The following XPR1 variants were observed in gnomAD, a reference collection of about 807,000 sequenced individuals.
The protein encoded by XPR1 is xenotropic and polytropic retrovirus receptor 1, also known as solute carrier family 53 member 1.
A neutral mutation model predicts 87.5 loss-of-function variants in XPR1; 28 were observed. That is an observed-to-expected ratio of 0.32 (90% CI 0.24 to 0.44). XPR1 has a LOEUF of 0.44. Among genes scored for constraint, XPR1 ranks in the 20% least tolerant of loss-of-function variants. XPR1 has a pLI of 1.00. For synonymous variants in XPR1, 300 were observed against 306.1 expected (o/e 0.98, Z 0.21); for missense variants, 559 against 862.3 (o/e 0.65, Z 4.41).
Position 180,776,755 on chromosome 1 carries a change from A to T in XPR1, c.122-10998A>T, listed in dbSNP as rs991153424. ...TATTGTTGTTCTTTACCTAGCAGAC[A>T]TTAGGTAAATACTCATTGGGATAAT... is the stretch of plus-strand genomic sequence containing the variant. On this transcript the variant is annotated intron_variant, in intron 2 of 14. Transcript: ENST00000367590. Among the ~76,000 whole-genome samples the T allele has an allele frequency of 2.0e-5, 3 of 152,220 alleles. No individual in the cohort carries two copies. The East Asian group carries it at 5.8e-4, about 29-fold the overall frequency.
intron 10 of XPR1, among the ~76,000 whole-genome samples, chr1:180,835,993 GA>G (rs924990491): frequency 2.6e-5 from 4 of 152,040 alleles, no homozygotes; most frequent in African/African-American, 9.7e-5. Flanking sequence ...ATAAATCTGA[GA>G]GAGCAAATTT....
intron 2 of XPR1, among the ~76,000 whole-genome samples, chr1:180,685,065 G>GT (rs1656716936): frequency 6.6e-6 from 1 of 151,922 alleles, no homozygotes; most frequent in South Asian, 2.1e-4. Context: ...TCTTGTGCCA[G>GT]TTTTCAAAGG....
chr1:180,683,325 A>G (rs939721877), intron 2 of XPR1, among the ~76,000 whole-genome samples: 94 of 152,210 alleles, frequency 6.2e-4, no homozygotes, highest in Admixed American at 5.9e-4. Flanking sequence ...ATAGTATTCC[A>G]TGGTGTATCT....
At chr1:180,877,667 C>G (rs1218504439) in intron 13 of XPR1, among the ~76,000 whole-genome samples, 1 of 151,978 alleles carries the variant, frequency 6.6e-6, no homozygotes, top group African/African-American at 2.4e-5. Context: ...CAGTGAGTCC[C>G]TTTATGATAA....
At chr1:180,761,414 A>T (rs548065031) in intron 2 of XPR1, among the ~76,000 whole-genome samples, 53 of 152,352 alleles carry the variant, frequency 3.5e-4, no homozygotes, top group African/African-American at 1.2e-3. Context: ...GAACTCAAAC[A>T]AATTTACAAG....
chr1:180,644,229 G>C (rs975307817), intron 1 of XPR1, among the ~76,000 whole-genome samples: 1 of 152,174 alleles, frequency 6.6e-6, no homozygotes, highest in African/African-American at 2.4e-5. Flanking sequence ...ATTAGAAAGA[G>C]AGAGTTAATG....
intron 2 of XPR1, among the ~76,000 whole-genome samples, chr1:180,706,869 C>T (rs531290731): frequency 3.3e-5 from 5 of 152,078 alleles, no homozygotes; most frequent in Non-Finnish European, 5.9e-5. Flanking sequence ...CTGCCCACCT[C>T]GATATCCCAA....
intron 2 of XPR1, among the ~76,000 whole-genome samples, chr1:180,726,064 C>T (rs1416199919): frequency 6.6e-6 from 1 of 152,174 alleles, no homozygotes; most frequent in South Asian, 2.1e-4. Flanking sequence ...GAGAACTTTT[C>T]TGTCTAGCTA....
At chr1:180,829,716 C>G (rs529836161) in intron 9 of XPR1, among the ~76,000 whole-genome samples, 2 of 152,214 alleles carry the variant, frequency 1.3e-5, no homozygotes, top group African/African-American at 4.8e-5. Flanking sequence ...ACATGAATGA[C>G]TGTAATTATA....
At chr1:180,806,315 A>AATAT in intron 5 of XPR1, 104 bp downstream of exon 5, 1 of 1,525,958 alleles carries the variant, frequency 6.6e-7, no homozygotes, top group Non-Finnish European at 8.9e-7. Flanking sequence ...GCTAGCTTTG[A>AATAT]ATATATATGC....
intron 2 of XPR1, among the ~76,000 whole-genome samples, chr1:180,703,964 G>A (rs892496481): frequency 2.6e-5 from 4 of 151,720 alleles, no homozygotes; most frequent in Non-Finnish European, 4.4e-5. Flanking sequence ...TAATTTATAG[G>A]TTTCTGCTGC....
In XPR1 at chr1:180,885,118, A is replaced by ATT. The variant is rs1652973423; in HGVS notation, c.*1053_*1054insTT. ...GTAGCGTGACCTTTACTAGCTCTGA[A>ATT]TCAGAAGACAGAGCTATTTCAGAGG... is the stretch of plus-strand genomic sequence containing the variant. On this transcript the variant is annotated 3_prime_UTR_variant, in exon 15 of 15. Coordinates refer to ENST00000367590, the MANE Select transcript of XPR1 (RefSeq NM_004736.4). The ATT allele has an allele frequency of 6.6e-6, 1 of 152,628 alleles. No homozygotes were observed. Among genetic ancestry groups the ATT allele is most frequent in the Non-Finnish European group, 1.5e-5 (1 of 68,042 alleles). The allele number at this position is 152,628 out of a possible 1,614,324, so 9.5% of individuals were successfully genotyped here.
intron 1 of XPR1, among the ~76,000 whole-genome samples, chr1:180,645,100 G>T (rs1655072875): frequency 6.6e-6 from 1 of 152,236 alleles, no homozygotes; most frequent in Non-Finnish European, 1.5e-5. Context: ...TCCAGAATGT[G>T]TGGAAATTTG....
At chr1:180,729,444 G>T (rs913074320) in intron 2 of XPR1, among the ~76,000 whole-genome samples, 13 of 152,100 alleles carry the variant, frequency 8.5e-5, no homozygotes, top group African/African-American at 2.9e-4. Flanking sequence ...TGGGTCAAAT[G>T]GTAGTTCTGT....
At chr1:180,866,707 TAATC>T (rs1652403752) in intron 12 of XPR1, among the ~76,000 whole-genome samples, 1 of 152,152 alleles carries the variant, frequency 6.6e-6, no homozygotes, top group Admixed American at 6.5e-5. Context: ...ATCCTCATAA[TAATC>T]CTCATTAAAT....
intron 1 of XPR1, among the ~76,000 whole-genome samples, chr1:180,655,891 C>T (rs573799111): frequency 1.2e-4 from 19 of 152,038 alleles, no homozygotes; most frequent in Middle Eastern, 3.4e-3. Flanking sequence ...TACAGGCATA[C>T]AGTGTGTAAT....
chr1:180,635,297 A>G (rs942152713), intron 1 of XPR1, among the ~76,000 whole-genome samples: 1 of 152,218 alleles, frequency 6.6e-6, no homozygotes. Flanking sequence ...TTTGACATGT[A>G]AAATAGAACA....
intron 1 of XPR1, among the ~76,000 whole-genome samples, chr1:180,650,329 G>T (rs953566415): frequency 6.6e-6 from 1 of 151,896 alleles, no homozygotes; most frequent in East Asian, 1.9e-4. Context: ...TTGAACTCCT[G>T]AGCTGTAGGG....
chr1:180,861,382 A>C (rs189197004), intron 11 of XPR1, among the ~76,000 whole-genome samples: 11 of 152,184 alleles, frequency 7.2e-5, no homozygotes, highest in Non-Finnish European at 1.3e-4. Flanking sequence ...TAGTAGATGA[A>C]TTGTAGTATC....
Sources: gnomAD v4.1 joint callset for allele counts (sites outside exome capture counted in the v4.1 genomes callset) on GRCh38, gnomAD v4.1.1 for gene constraint, MANE v1.5 for transcripts, NCBI Gene and HGNC (gene_info 2026-07-23, HGNC 2026-07-21) for gene names.